The following GSE1 variants were observed in gnomAD, a reference collection of about 807,000 sequenced individuals.
The protein encoded by GSE1 is Gse1 coiled-coil protein, also known as genetic suppressor element 1.
A neutral mutation model predicts 112.6 loss-of-function variants in GSE1; 32 were observed. That is an observed-to-expected ratio of 0.28 (90% CI 0.21 to 0.38). The LOEUF (loss-of-function observed/expected upper bound fraction) is 0.38. Among genes scored for constraint, GSE1 ranks in the 10% least tolerant of loss-of-function variants. GSE1 has a pLI of 1.00. For synonymous variants in GSE1, 1,115 were observed against 735.6 expected (o/e 1.52, Z -8.35); for missense variants, 2,348 against 1,699.2 (o/e 1.38, Z -6.71).
At chr16:85,672,310 G>C (rs770352421) in intron 15 of GSE1, 95 bp from the exon 16 acceptor site, 1 of 912,898 alleles carries the variant, frequency 1.1e-6, no homozygotes, top group Non-Finnish European at 1.7e-6. Flanking sequence ...ATTTTCAAAT[G>C]TAGGTTTACC....
chr16:85,428,991 C>G (rs2049055942), intron 2 of GSE1, among the ~76,000 whole-genome samples: 1 of 152,204 alleles, frequency 6.6e-6, no homozygotes, highest in South Asian at 2.1e-4. Context: ...TGGAGAATCT[C>G]AGCTTCATAA....
At chr16:85,553,959 A>G (rs1303271751), upstream of GSE1, among the ~76,000 whole-genome samples, 3 of 151,914 alleles carry the variant, frequency 2.0e-5, no homozygotes, top group Non-Finnish European at 2.9e-5. Context: ...GCCTGGTGTG[A>G]GCGCGGTGCC....
chr16:85,187,038 G>A (rs1006135853), intron 1 of GSE1, among the ~76,000 whole-genome samples: 5 of 152,244 alleles, frequency 3.3e-5, no homozygotes, highest in Non-Finnish European at 7.3e-5. Context: ...CAGCACTGGG[G>A]TTGGTGCAGT....
rs117655267 is a variant in GSE1 at position 85,497,817 on chromosome 16, G to A, written c.2465-136097G>A. The stretch of plus-strand genomic sequence containing the variant: ...TGCTTTTCTGCACCCCCGGCCCACA[G>A]CCAGCACCATCTCAGCACCTGACGT... On this transcript the variant is annotated intron_variant, in intron 2 of 2. Coordinates refer to the GSE1 transcript ENST00000637419. Among the ~76,000 whole-genome samples the A allele has an allele frequency of 9.8e-5, 15 of 152,298 alleles. No homozygotes were observed. The East Asian group carries it at 2.9e-3, about 29-fold the overall frequency.
rs1377796129 is a variant in GSE1 at position 85,661,609 on chromosome 16, C to G, written c.2104C>G (p.Leu702Val). 1.2e-6 allele frequency: 2 copies of G among 1,610,630 alleles called. No individual in the cohort carries two copies. The highest frequency in any genetic ancestry group is 2.7e-5 in the African/African-American group (2 of 74,922). The change falls in exon 9 of 16, where the codon CTC becomes GTC. Residue 702 changes from leucine (L) to valine (V), a missense_variant. Transcript: ENST00000253458. ...SLPQAATFGE[L>V]SGPLKPGSPY... ...CCCACAGGCGGCCACCTTCGGGGAG[C>G]TCAGCGGACCCCTGAAGCCTGGCTC...
chr16:85,589,972 GTGTGTGAATGCA>G (rs1421271007), intron 1 of GSE1, among the ~76,000 whole-genome samples: 2 of 152,010 alleles, frequency 1.3e-5, no homozygotes, highest in Non-Finnish European at 2.9e-5. Context: ...TGATCGTGTG[GTGTGTGAATGCA>G]TGTGTGAATG....
intron 1 of GSE1, among the ~76,000 whole-genome samples, chr16:85,244,073 C>T (rs564264355): frequency 9.2e-5 from 14 of 152,094 alleles, no homozygotes; most frequent in Non-Finnish European, 1.9e-4. Flanking sequence ...TTGCCGTGAG[C>T]GGAGATTGCA....
At chr16:85,584,683 T>G (rs1489567992) in intron 1 of GSE1, among the ~76,000 whole-genome samples, 1 of 152,348 alleles carries the variant, frequency 6.6e-6, no homozygotes. Flanking sequence ...CCCCTCCGTT[T>G]TATGCCTTTT....
chr16:85,426,526 G>GTGGGGGGA (rs1555510138), intron 2 of GSE1, among the ~76,000 whole-genome samples: 1 of 133,724 alleles, frequency 7.5e-6, no homozygotes, highest in Non-Finnish European at 1.5e-5. Context: ...GGGTGGAAGG[G>GTGGGGGGA]TGGGTGGATG....
At chr16:85,540,531 G>A (rs1322126792) in intron 2 of GSE1, among the ~76,000 whole-genome samples, 2 of 152,194 alleles carry the variant, frequency 1.3e-5, no homozygotes, top group East Asian at 3.8e-4. Flanking sequence ...GATGCCCTTG[G>A]GGCAAATGTG....
intron 1 of GSE1, among the ~76,000 whole-genome samples, chr16:85,193,717 C>T (rs1006312382): frequency 1.3e-5 from 2 of 152,208 alleles, no homozygotes; most frequent in African/African-American, 4.8e-5. Flanking sequence ...CCTCAGCCTC[C>T]CAAAGTGCTG....
chr16:85,452,563 T>C (rs1244624731), intron 2 of GSE1, among the ~76,000 whole-genome samples: 1 of 152,256 alleles, frequency 6.6e-6, no homozygotes, highest in African/African-American at 2.4e-5. Flanking sequence ...CAGATTCTCC[T>C]GGAAGCCTGG....
rs912365040 is a variant in GSE1 at position 85,486,816 on chromosome 16, C to T, written c.2464+129173C>T. ...GCTTGTGAGAAGAGCCCTCTCCCTC[C>T]CTCCCGGCATGGCTGGGGCCTCGCC... On this transcript the variant is annotated intron_variant, in intron 2 of 2. Coordinates refer to the GSE1 transcript ENST00000637419. Among the ~76,000 whole-genome samples the T allele has an allele frequency of 2.6e-5, 4 of 152,266 alleles. No homozygotes were observed. The East Asian group carries it at 7.7e-4, about 29-fold the overall frequency.
At chr16:85,599,959 G>A (rs2047391226) in intron 1 of GSE1, among the ~76,000 whole-genome samples, 1 of 152,200 alleles carries the variant, frequency 6.6e-6, no homozygotes, top group Non-Finnish European at 1.5e-5. Context: ...TCTAAAATGG[G>A]AGGGCGGCAG....
intron 2 of GSE1, among the ~76,000 whole-genome samples, chr16:85,413,982 C>T (rs1191453678): frequency 6.6e-6 from 1 of 152,196 alleles, no homozygotes; most frequent in Non-Finnish European, 1.5e-5. Context: ...TTGCTTCTCT[C>T]TCACCTTCCG....
rs184045615 is a variant in GSE1, at chr16:85,289,503, C to T, written c.2284-67960C>T. ...ACCCTCTGGGAGCCTTGTGGAAATG[C>T]CGTTTCCCATTCTGCAGGTCTGGGA... On this transcript the variant is annotated intron_variant, in intron 1 of 2. Transcript: ENST00000637419. 2.1e-3 allele frequency among the ~76,000 whole-genome samples: 327 copies of T among 152,324 alleles called. 1 individual carries two copies. The highest frequency in any genetic ancestry group is 7.2e-3 in the African/African-American group (300 of 41,574).
intron 1 of GSE1, among the ~76,000 whole-genome samples, chr16:85,257,515 T>C (rs547330545): frequency 9.8e-5 from 15 of 152,376 alleles, no homozygotes; most frequent in African/African-American, 3.4e-4. Flanking sequence ...TCTTATATAC[T>C]TGTAACTTGA....
chr16:85,553,341 G>A (rs2045027278), upstream of GSE1, among the ~76,000 whole-genome samples: 1 of 151,044 alleles, frequency 6.6e-6, no homozygotes, highest in Non-Finnish European at 1.5e-5. Context: ...GGCGCAGAGA[G>A]CGCGCCGCCA....
intron 2 of GSE1, among the ~76,000 whole-genome samples, chr16:85,436,209 C>T (rs1363070069): frequency 6.6e-6 from 1 of 152,240 alleles, no homozygotes; most frequent in African/African-American, 2.4e-5. Flanking sequence ...CCCCTAAACT[C>T]CTCTCCTCTC....
Sources: allele counts gnomAD v4.1 joint callset (sites outside exome capture counted in the v4.1 genomes callset), GRCh38; gene constraint gnomAD v4.1.1; transcripts MANE v1.5; gene names NCBI Gene and HGNC (gene_info 2026-07-23, HGNC 2026-07-21).